IKBKB: variants seen among roughly 807,000 people sequenced by gnomAD.
The protein encoded by IKBKB is inhibitor of nuclear factor kappa B kinase subunit beta.
In IKBKB, 42 loss-of-function variants were observed where a neutral mutation model predicts 113.6. That is an observed-to-expected ratio of 0.37 (90% CI 0.29 to 0.48). The LOEUF is 0.48. Ranked by LOEUF, IKBKB falls within the 20% of genes least tolerant of loss-of-function variation. IKBKB has a pLI of 0.99. For missense variants in IKBKB, 673 were observed against 939.7 expected (o/e 0.72, Z 3.71); for synonymous variants, 296 against 361.3 (o/e 0.82, Z 2.05).
chr8:42,316,198 T>C lies in IKBKB; in HGVS notation c.801-12T>C, dbSNP rs1462409014. ...GGAAGTGTCTCCTCACACACTATGCTCCTCTCCACAGTGTCCTGGCTGAGC... is the reference window on the plus strand; with the variant it reads ...GGAAGTGTCTCCTCACACACTATGCCCCTCTCCACAGTGTCCTGGCTGAGC... On this transcript the variant is annotated splice_polypyrimidine_tract_variant and intron_variant, in intron 9 of 21. Transcript: ENST00000520810. The surrounding 1 kb of genome is among the most constrained non-coding windows in gnomAD (Gnocchi z 4.5). 3.7e-6 allele frequency: 6 copies of C among 1,613,544 alleles called. No individual in the cohort carries two copies. Among genetic ancestry groups the C allele is most frequent in the African/African-American group, 2.7e-5 (2 of 74,908 alleles).
At chr8:42,291,387 A>G (rs1206770569) in intron 4 of IKBKB, among the ~76,000 whole-genome samples, 1 of 152,154 alleles carries the variant, frequency 6.6e-6, no homozygotes, top group East Asian at 1.9e-4. Flanking sequence ...TCGCCACATC[A>G]GCCAGGCTGG....
At chr8:42,307,949 T>C (rs1013017404) in intron 7 of IKBKB, among the ~76,000 whole-genome samples, 1 of 152,164 alleles carries the variant, frequency 6.6e-6, no homozygotes, top group Non-Finnish European at 1.5e-5. Context: ...CATTTCTGTC[T>C]CCACCCACCT....
rs112811181 is a variant in IKBKB, at chr8:42,285,711, C to T, written c.106-2923C>T. Among the ~76,000 whole-genome samples the T allele has an allele frequency of 4.9e-4, 74 of 152,322 alleles. 2 individuals are homozygous for T. The highest frequency in any genetic ancestry group is 1.4e-3 in the African/African-American group (60 of 41,558). ...GAACCTGGATGCCCATGCCTACTGC[C>T]GCAGACTGGACTGAGGGGGTCTCCC... On this transcript the variant is annotated intron_variant, in intron 2 of 21. Transcript: ENST00000520810.
chr8:42,294,509 T>C (rs1813311736), intron 5 of IKBKB, among the ~76,000 whole-genome samples: 1 of 152,150 alleles, frequency 6.6e-6, no homozygotes, highest in Non-Finnish European at 1.5e-5. Context: ...CTTGCTAGTG[T>C]GGGTCTGGTC....
At chr8:42,320,310 T>C (rs1563360404) in intron 15 of IKBKB, 1 of 177,222 alleles carries the variant, frequency 5.6e-6, no homozygotes, top group Non-Finnish European at 1.2e-5. Context: ...CCTCCCCATC[T>C]TGGGACTCAT....
chr8:42,278,723 C>G (rs935157332), intron 2 of IKBKB, among the ~76,000 whole-genome samples: 1 of 151,918 alleles, frequency 6.6e-6, no homozygotes, highest in Admixed American at 6.6e-5. Flanking sequence ...TAGCCTGGTG[C>G]AGTGGCTCAT....
intron 1 of IKBKB, 72 bp from the exon 2 acceptor site, chr8:42,272,011 C>G: frequency 3.8e-3 from 4,706 of 1,229,070 alleles, no homozygotes; most frequent in Non-Finnish European, 5.0e-3. Flanking sequence ...GTATCTCTTG[C>G]CTTCTCCATC....
At chr8:42,285,375 G>A (rs574167520) in intron 2 of IKBKB, among the ~76,000 whole-genome samples, 43 of 143,084 alleles carry the variant, frequency 3.0e-4, no homozygotes, top group Non-Finnish European at 5.6e-4. Flanking sequence ...GTGAGACTCC[G>A]TCTCTACAAA....
At chr8:42,293,817 C>T (rs750044846) in intron 5 of IKBKB, among the ~76,000 whole-genome samples, 16 of 152,124 alleles carry the variant, frequency 1.1e-4, no homozygotes, top group Non-Finnish European at 1.9e-4. Context: ...CTGGAATGGC[C>T]GGCGCTGGAA....
chr8:42,307,220 A>G (rs748350414), intron 7 of IKBKB, among the ~76,000 whole-genome samples: 2 of 152,120 alleles, frequency 1.3e-5, no homozygotes, highest in African/African-American at 2.4e-5. Context: ...GGCAGGGGGA[A>G]TTCCGTGCAA....
chr8:42,282,550 C>T (rs1191051403), intron 2 of IKBKB, among the ~76,000 whole-genome samples: 1 of 152,144 alleles, frequency 6.6e-6, no homozygotes, highest in African/African-American at 2.4e-5. Flanking sequence ...AGTTCATATA[C>T]CAGAAGTTGG....
At chr8:42,275,891 G>A (rs1456614861) in intron 2 of IKBKB, among the ~76,000 whole-genome samples, 1 of 152,032 alleles carries the variant, frequency 6.6e-6, no homozygotes, top group Non-Finnish European at 1.5e-5. Context: ...AACCAGGCTG[G>A]AGTGCAGTGG....
chr8:42,271,569 G>A, intron 1 of IKBKB, 100 bp downstream of exon 1: 1 of 560,410 alleles, frequency 1.8e-6, no homozygotes, highest in Non-Finnish European at 3.1e-6. Flanking sequence ...CTGGGAAGTC[G>A]CAGCTTGCGG....
intron 6 of IKBKB, among the ~76,000 whole-genome samples, chr8:42,305,493 G>C (rs1305631115): frequency 3.9e-5 from 6 of 152,252 alleles, no homozygotes; most frequent in Non-Finnish European, 2.9e-5. Flanking sequence ...TGCTCAAGTT[G>C]CAGGAATCTG....
Position 42,316,877 on chromosome 8 carries a change from T to G in IKBKB, c.1098T>G (p.Pro366=), listed in dbSNP as rs1228574928. ...EAGLALIPDK[P]ATQCISDGKL... The stretch of plus-strand genomic sequence containing the variant: ...GCCTGGCGTTGATCCCCGATAAGCC[T>G]GCCACTCAGTGTATTTCAGACGGCA... Residue 366 remains proline (P), a synonymous_variant, in exon 11 of 22, where the codon CCT becomes CCG. Transcript: ENST00000520810. The surrounding 1 kb of genome is among the most constrained non-coding windows in gnomAD (Gnocchi z 4.5). 6.2e-7 allele frequency: 1 copy of G among 1,614,170 alleles called. No homozygotes were observed. Among genetic ancestry groups the G allele is most frequent in the Non-Finnish European group, 8.5e-7 (1 of 1,180,026 alleles).
intron 5 of IKBKB, among the ~76,000 whole-genome samples, chr8:42,295,416 G>A (rs1813560329): frequency 6.6e-6 from 1 of 152,202 alleles, no homozygotes; most frequent in South Asian, 2.1e-4. Flanking sequence ...ACAGCACCTG[G>A]CCAAAAGTCT....
intron 21 of IKBKB, chr8:42,329,957 C>T: frequency 1.0e-6 from 1 of 985,434 alleles, no homozygotes. Flanking sequence ...TGAATTGCAG[C>T]CTTTGCTGAT....
At chr8:42,287,502 G>A (rs1430853416) in intron 2 of IKBKB, among the ~76,000 whole-genome samples, 2 of 152,266 alleles carry the variant, frequency 1.3e-5, no homozygotes, top group African/African-American at 4.8e-5. Flanking sequence ...GTGTAGCAGA[G>A]CAGGGCCAAG....
chr8:42,308,783 A>G (rs1817077869), intron 7 of IKBKB, 118 bp from the exon 8 acceptor site: 1 of 916,728 alleles, frequency 1.1e-6, no homozygotes, highest in African/African-American at 1.6e-5. Flanking sequence ...CCCTGCATGC[A>G]TGTGCCAGTG....
Sources: gnomAD v4.1 joint callset for allele counts (sites outside exome capture counted in the v4.1 genomes callset) on GRCh38, gnomAD v4.1.1 for gene constraint, Gnocchi (gnomAD v3.1) non-coding constraint, MANE v1.5 for transcripts, NCBI Gene and HGNC (gene_info 2026-07-23, HGNC 2026-07-21) for gene names.